The following ACAD8 variants were observed in gnomAD, a reference collection of about 807,000 sequenced individuals.
ACAD8 encodes isobutyryl-CoA dehydrogenase, mitochondrial.
In ACAD8, 47 loss-of-function variants were observed where a neutral mutation model predicts 53.1. That is an observed-to-expected ratio of 0.89 (90% CI 0.70 to 1.13). ACAD8 has a LOEUF of 1.13. Ranked by LOEUF, ACAD8 falls within the 50% of genes most tolerant of loss-of-function variation. ACAD8 has a pLI of 0.00. For missense variants in ACAD8, 494 were observed against 535.0 expected, an observed-to-expected ratio of 0.92 and a Z score of 0.76; for synonymous variants, 198 against 201.3, an observed-to-expected ratio of 0.98 and a Z score of 0.14.
intron 1 of ACAD8, 114 bp downstream of exon 1, chr11:134,253,823 TC>T: frequency 2.7e-6 from 3 of 1,123,964 alleles, no homozygotes; most frequent in Non-Finnish European, 3.9e-6. Context: ...CAGCTCCCCT[TC>T]CGGCCAGTCA....
At chr11:134,254,441 G>C (rs961769923) in intron 1 of ACAD8, among the ~76,000 whole-genome samples, 3 of 152,244 alleles carry the variant, frequency 2.0e-5, no homozygotes, top group Non-Finnish European at 4.4e-5. Flanking sequence ...GACCCGGCCA[G>C]TTTGTGACTT....
chr11:134,259,866 G>T, intron 6 of ACAD8, 121 bp downstream of exon 6: 1 of 1,542,714 alleles, frequency 6.5e-7, no homozygotes, highest in South Asian at 1.2e-5. Flanking sequence ...TGAAGCAGTT[G>T]CTTCTATTAG....
In ACAD8 at chr11:134,256,857, G is replaced by A. The variant is rs7123994; in HGVS notation, c.210+209G>A. The A allele has an allele frequency of 0.014, 9,250 of 662,398 alleles. 631 individuals carry two copies. In the African/African-American group the frequency reaches 0.15, roughly 11 times the overall value. 41.0% of individuals were successfully genotyped at this position (662,398 alleles called of 1,614,324 possible). A position where few individuals can be genotyped will look rare whatever the true frequency, so the allele number is the denominator to read the frequency against. ...TTTTTTGTTAGTTGAATAAAGATTTGGATATAAAACTAAGGCAGTTCTATA... is the reference window on the plus strand; with the variant it reads ...TTTTTTGTTAGTTGAATAAAGATTTAGATATAAAACTAAGGCAGTTCTATA... On this transcript the variant is annotated intron_variant, in intron 2 of 10. Coordinates refer to ENST00000281182, the MANE Select transcript of ACAD8 (RefSeq NM_014384.3).
rs1565375362 is a variant in ACAD8, at chr11:134,261,348, T to TG, written c.917dup (p.Glu307ArgfsTer6). The TG allele has an allele frequency of 6.2e-7, 1 of 1,614,142 alleles. No homozygotes were observed. Among genetic ancestry groups the TG allele is most frequent in the Non-Finnish European group, 8.5e-7 (1 of 1,180,040 alleles). ...ACCACCTCAATGTCCGGAAGCAGTT[T>TG]GGAGAGCCTCTGGCCAGTAACCAGG... On this transcript the variant is annotated frameshift_variant, in exon 8 of 11. Coordinates refer to ENST00000281182, the MANE Select transcript of ACAD8 (RefSeq NM_014384.3). LOFTEE classifies it high-confidence loss of function. This position sits in a 1 kb window ranked among gnomAD's most constrained non-coding sequence, Gnocchi z 4.2.
Position 134,261,469 on chromosome 11 carries a change from CT to C in ACAD8, c.939+98del, listed in dbSNP as rs1054883753. ...CCAGGAGAGAAGCCAGGAAATTCCT[CT>C]GTCAGTCCCACCACTGTCCTAGCCA... On this transcript the variant is annotated intron_variant, in intron 8 of 10. Transcript: ENST00000281182. This position sits in a 1 kb window ranked among gnomAD's most constrained non-coding sequence, Gnocchi z 4.2. The C allele has an allele frequency of 3.3e-6, 5 of 1,521,430 alleles. No individual in the cohort carries two copies. Among genetic ancestry groups the C allele is most frequent in the Non-Finnish European group, 4.5e-6 (5 of 1,101,888 alleles). 94.2% of individuals were successfully genotyped at this position (1,521,430 alleles called of 1,614,324 possible). A position where few individuals can be genotyped will look rare whatever the true frequency, so the allele number is the denominator to read the frequency against.
intron 6 of ACAD8, 54 bp from the exon 7 acceptor site, chr11:134,260,990 G>C: frequency 1.2e-6 from 2 of 1,600,040 alleles, no homozygotes; most frequent in Non-Finnish European, 1.7e-6. Context: ...CCCAGGGAAG[G>C]CCGCCCTACC....
intron 10 of ACAD8, chr11:134,264,014 C>G: frequency 1.0e-6 from 1 of 984,968 alleles, no homozygotes; most frequent in South Asian, 4.7e-5. Flanking sequence ...TTCTGATTAC[C>G]AAAGAAATGT....
intron 1 of ACAD8, among the ~76,000 whole-genome samples, chr11:134,255,250 C>T (rs977666418): frequency 6.6e-6 from 1 of 152,110 alleles, no homozygotes; most frequent in Non-Finnish European, 1.5e-5. Flanking sequence ...AATTCTTGTG[C>T]CTCAGCCTCC....
rs775796762 is a variant in ACAD8 at position 134,259,757 on chromosome 11, T to C, written c.705+12T>C. The C allele has an allele frequency of 4.7e-5, 76 of 1,614,002 alleles. 1 individual carries two copies. Among genetic ancestry groups the C allele is most frequent in the Non-Finnish European group, 6.3e-5 (74 of 1,180,038 alleles). On this transcript the variant is annotated intron_variant, in intron 6 of 10. Transcript: ENST00000281182. ...AGAAGGAGAAAAAGGTGAGTGGCTG[T>C]TGGACAGGAAACAATTCAGGTTATG...
intron 3 of ACAD8, chr11:134,258,225 G>A (rs1591509075): frequency 2.2e-6 from 1 of 457,114 alleles, no homozygotes; most frequent in East Asian, 4.4e-5. Flanking sequence ...CTAATAGAAA[G>A]CACATATAAC....
At chr11:134,263,884 C>G (rs1940044678) in intron 10 of ACAD8, 1 of 985,296 alleles carries the variant, frequency 1.0e-6, no homozygotes, top group Admixed American at 6.1e-5. Flanking sequence ...GACGATGTGA[C>G]TACTGATTCC....
Position 134,262,639 on chromosome 11 carries a change from G to T in ACAD8, c.1195+17G>T. ...TTCTAGAAGGTAAAAATTGCCAGAG[G>T]TTATTCTCTTCCCTTCAGAACGGGG... On this transcript the variant is annotated intron_variant, in intron 10 of 10. Coordinates refer to ENST00000281182, the MANE Select transcript of ACAD8 (RefSeq NM_014384.3). The T allele has an allele frequency of 6.2e-7, 1 of 1,607,394 alleles. No individual in the cohort carries two copies. The highest frequency in any genetic ancestry group is 8.5e-7 in the Non-Finnish European group (1 of 1,174,996).
chr11:134,256,449 G>A (rs1939530960), intron 1 of ACAD8, 99 bp from the exon 2 acceptor site: 1 of 896,962 alleles, frequency 1.1e-6, no homozygotes, highest in Non-Finnish European at 1.9e-6. Flanking sequence ...AAATACTACA[G>A]TAGATCCACT....
intron 1 of ACAD8, among the ~76,000 whole-genome samples, chr11:134,253,926 C>T (rs1939292722): frequency 6.7e-6 from 1 of 150,206 alleles, no homozygotes; most frequent in Non-Finnish European, 1.5e-5. Flanking sequence ...CCATCTGGCC[C>T]GTCACCCCTG....
rs367996531 is a variant in ACAD8, at chr11:134,262,581, A to G, written c.1154A>G (p.Gln385Arg). ...GGCTACCTGAAGGATTACGCTGTTC[A>G]GCAGTACGTGCGGGACTCCAGGGTC... is the stretch of plus-strand genomic sequence containing the variant. ...GYGYLKDYAVQQYVRDSRVHQ... is the reference protein window; with the variant it reads ...GYGYLKDYAVRQYVRDSRVHQ... The change falls in exon 10 of 11, where the codon CAG becomes CGG. Residue 385 changes from glutamine (Q) to arginine (R), a missense_variant. Coordinates refer to ENST00000281182, the MANE Select transcript of ACAD8 (RefSeq NM_014384.3). The G allele has an allele frequency of 1.0e-4, 166 of 1,613,986 alleles. No homozygotes were observed. The highest frequency in any genetic ancestry group is 1.4e-4 in the Non-Finnish European group (161 of 1,180,000).
chr11:134,264,815 C>A, intron 10 of ACAD8, 93 bp from the exon 11 acceptor site: 1 of 1,125,780 alleles, frequency 8.9e-7, no homozygotes, highest in Non-Finnish European at 1.4e-6. Flanking sequence ...TCTGCAGCTA[C>A]TCTGAACTAG....
Position 134,264,893 on chromosome 11 carries a change from T to C in ACAD8, c.1196-15T>C, listed in dbSNP as rs1940099916. ...TTGCTGCTGTGAAATTCTTCCTCCTTCCTCCCTCTTACAGGTAGCAATGAA... is the reference window on the plus strand; with the variant it reads ...TTGCTGCTGTGAAATTCTTCCTCCTCCCTCCCTCTTACAGGTAGCAATGAA... On this transcript the variant is annotated splice_polypyrimidine_tract_variant and intron_variant, in intron 10 of 10. Transcript: ENST00000281182. 1 of 1,613,572 alleles carries C rather than the reference T, an allele frequency of 6.2e-7. No individual in the cohort carries two copies. Among genetic ancestry groups the C allele is most frequent in the African/African-American group, 1.3e-5 (1 of 74,906 alleles).
At chr11:134,257,474 C>T (rs1271808895) in intron 3 of ACAD8, among the ~76,000 whole-genome samples, 1 of 152,082 alleles carries the variant, frequency 6.6e-6, no homozygotes, top group African/African-American at 2.4e-5. Context: ...GAGTTTGAGA[C>T]CAGCCTGGCC....
At chr11:134,255,908 C>T (rs200115389) in intron 1 of ACAD8, among the ~76,000 whole-genome samples, 2 of 149,026 alleles carry the variant, frequency 1.3e-5, no homozygotes, top group African/African-American at 5.2e-5. Context: ...GCTCTTTTTT[C>T]TTTTTTTCTT....
Sources: allele counts gnomAD v4.1 joint callset (sites outside exome capture counted in the v4.1 genomes callset), GRCh38; gene constraint gnomAD v4.1.1; non-coding constraint Gnocchi (gnomAD v3.1); transcripts MANE v1.5; gene names NCBI Gene and HGNC (gene_info 2026-07-23, HGNC 2026-07-21).